MTERF4: variants seen among roughly 807,000 people sequenced by gnomAD.
MTERF4 encodes the protein mitochondrial transcription termination factor 4.
A neutral mutation model predicts 22.5 loss-of-function variants in MTERF4; 17 were observed. The observed-to-expected ratio is 0.75, with a 90% CI of 0.52 to 1.13. The LOEUF (loss-of-function observed/expected upper bound fraction) is 1.13, where lower values mean the gene tolerates loss of function less well. Among genes scored for constraint, MTERF4 ranks in the 50% most tolerant of loss-of-function variants. MTERF4 has a pLI of 0.00. For missense variants in MTERF4, 420 were observed against 466.8 expected, an observed-to-expected ratio of 0.90 and a Z score of 0.92; for synonymous variants, 165 against 175.3, an observed-to-expected ratio of 0.94 and a Z score of 0.47.
At chr2:241,088,469 C>T, downstream of MTERF4, 1 of 1,313,944 alleles carries the variant, frequency 7.6e-7, no homozygotes, top group Non-Finnish European at 1.1e-6. Flanking sequence ...ACTGCCCAGC[C>T]CCGGGATCTC....
the MTERF4 span, among the ~76,000 whole-genome samples, chr2:241,057,403 A>ATG: frequency 1.4e-5 from 2 of 143,438 alleles, no homozygotes; most frequent in Admixed American, 1.4e-4. Flanking sequence ...ATATATATAT[A>ATG]TATATATATG....
chr2:241,068,078 GA>G (rs969868367), downstream of MTERF4: 6 of 869,012 alleles, frequency 6.9e-6, no homozygotes, highest in Non-Finnish European at 8.7e-6. The surrounding 1 kb of genome is among the most constrained non-coding windows in gnomAD (Gnocchi z 5.3). Context: ...CCTGAGCGGA[GA>G]CAAAGGTCTC....
downstream of MTERF4, among the ~76,000 whole-genome samples, chr2:241,068,298 CG>C (rs1559291039): frequency 1.9e-3 from 278 of 149,370 alleles, 2 homozygotes; most frequent in African/African-American, 6.9e-3. The surrounding 1 kb of genome is among the most constrained non-coding windows in gnomAD (Gnocchi z 5.3). Context: ...GTAGCAGCCC[CG>C]AGCTCTCCCA....
chr2:241,073,301 G>A lies in MTERF4; in HGVS notation n.2861C>T, dbSNP rs759170887. ...CTCGGCGCAGCTCGAGAACATGGAG[G>A]AAGCCCCCAAGCGGGTCAGCCTGGC... On this transcript the variant is annotated non_coding_transcript_exon_variant, in exon 5 of 5. Transcript: ENST00000464344. The surrounding 1 kb of genome is among the most constrained non-coding windows in gnomAD (Gnocchi z 6.6). 3 of 1,570,450 alleles carry A rather than the reference G, an allele frequency of 1.9e-6. No individual in the cohort carries two copies. The highest frequency in any genetic ancestry group is 1.4e-5 in the African/African-American group (1 of 73,768).
At chr2:241,059,160 G>T in the MTERF4 span, among the ~76,000 whole-genome samples, 31 of 152,264 alleles carry the variant, frequency 2.0e-4, no homozygotes, top group African/African-American at 7.5e-4. Context: ...TAGGGGAAAT[G>T]GATACCCTGA....
chr2:241,061,577 G>A, the MTERF4 span, among the ~76,000 whole-genome samples: 2 of 152,122 alleles, frequency 1.3e-5, no homozygotes, highest in African/African-American at 4.8e-5. Context: ...AATATACACA[G>A]CAACATTTTT....
At chr2:241,045,227 C>T in the MTERF4 span, among the ~76,000 whole-genome samples, 4 of 152,170 alleles carry the variant, frequency 2.6e-5, no homozygotes, top group Non-Finnish European at 2.9e-5. Flanking sequence ...TGGCAGTGCT[C>T]TCTAAATTGA....
chr2:241,049,904 G>A, the MTERF4 span: 5 of 1,613,614 alleles, frequency 3.1e-6, no homozygotes, highest in Admixed American at 1.7e-5. Flanking sequence ...GAGTGCCCGC[G>A]CGGGTTCCAC....
the MTERF4 span, chr2:241,065,664 C>T: frequency 9.6e-6 from 13 of 1,360,420 alleles, no homozygotes; most frequent in South Asian, 1.7e-4. Flanking sequence ...GGCCCCGGCA[C>T]CTGCAGGGCG....
At chr2:241,083,618 G>A (rs887198764), downstream of MTERF4, among the ~76,000 whole-genome samples, 1 of 152,184 alleles carries the variant, frequency 6.6e-6, no homozygotes, top group Non-Finnish European at 1.5e-5. Context: ...TCTATGCAGT[G>A]AGAGTCCGAA....
At chr2:241,065,638 C>G in the MTERF4 span, 3 of 1,574,428 alleles carry the variant, frequency 1.9e-6, no homozygotes, top group East Asian at 4.5e-5. Context: ...AGCCCCTGCC[C>G]CTCGAGGGCA....
chr2:241,071,976 A>G (rs1366194551), downstream of MTERF4: 2 of 1,034,676 alleles, frequency 1.9e-6, no homozygotes, highest in South Asian at 2.7e-5. Context: ...GCCCACCCCC[A>G]CCGCCAGCGC....
chr2:241,049,386 C>T, the MTERF4 span, among the ~76,000 whole-genome samples: 1 of 152,222 alleles, frequency 6.6e-6, no homozygotes, highest in African/African-American at 2.4e-5. Flanking sequence ...GGTATCTTAC[C>T]TAAGCCCCAA....
rs1398022191 is a variant in MTERF4 at position 241,078,395 on chromosome 2, AAAAG to A, written n.480-2717_480-2714del. ...TAGACTCCGTCTCAAAAAAAAAAAA[AAAAG>A]AAAGAAAGAAAAGAAAGGATAAGCA... On this transcript the variant is annotated intron_variant and non_coding_transcript_variant, in intron 4 of 4. Coordinates refer to the MTERF4 transcript ENST00000464344. Among the ~76,000 whole-genome samples the A allele has an allele frequency of 1.1e-3, 158 of 149,294 alleles. No homozygotes were observed. The East Asian group carries it at 0.02, about 19-fold the overall frequency.
the MTERF4 span, among the ~76,000 whole-genome samples, chr2:241,066,238 C>A: frequency 6.6e-6 from 1 of 152,118 alleles, no homozygotes; most frequent in South Asian, 2.1e-4. Context: ...GGGTTGTGCA[C>A]AGCCTGTGGG....
downstream of MTERF4, chr2:241,067,622 C>T: frequency 1.6e-6 from 1 of 634,540 alleles, no homozygotes; most frequent in Non-Finnish European, 2.7e-6. Context: ...AGCCCGAGTT[C>T]CCTGAGCAGT....
downstream of MTERF4, chr2:241,094,786 G>C (rs1041783757): frequency 2.4e-5 from 4 of 167,494 alleles, no homozygotes; most frequent in African/African-American, 9.6e-5. This position sits in a 1 kb window ranked among gnomAD's most constrained non-coding sequence, Gnocchi z 4.3. Flanking sequence ...CCAGATCCTA[G>C]GATCTAGTTG....
chr2:241,091,400 G>A (rs1288215524), downstream of MTERF4, among the ~76,000 whole-genome samples: 10 of 116,060 alleles, frequency 8.6e-5, no homozygotes, highest in African/African-American at 1.5e-4. The surrounding 1 kb of genome is among the most constrained non-coding windows in gnomAD (Gnocchi z 4.1). Flanking sequence ...GGATGTAGTC[G>A]GTGGAGGCTG....
downstream of MTERF4, among the ~76,000 whole-genome samples, chr2:241,071,159 C>T (rs2062694491): frequency 6.6e-6 from 1 of 152,172 alleles, no homozygotes; most frequent in South Asian, 2.1e-4. Flanking sequence ...TCTCAGGGCA[C>T]ATGCTGGGGT....
Sources: allele counts gnomAD v4.1 joint callset (sites outside exome capture counted in the v4.1 genomes callset), GRCh38; gene constraint gnomAD v4.1.1; non-coding constraint Gnocchi (gnomAD v3.1); transcripts MANE v1.5; gene names NCBI Gene and HGNC (gene_info 2026-07-23, HGNC 2026-07-21).